TNS3: variants seen among roughly 807,000 people sequenced by gnomAD.
TNS3 encodes the protein tensin-3.
TNS3 carries 45 observed loss-of-function variants against 140.9 expected under a neutral mutation model. The observed-to-expected ratio is 0.32, with a 90% CI of 0.25 to 0.41. The LOEUF (loss-of-function observed/expected upper bound fraction) is 0.41, where lower values mean the gene tolerates loss of function less well. TNS3 is among the 10% of genes least tolerant of loss of function. The pLI, the probability that TNS3 is intolerant of heterozygous loss-of-function variation, is 1.00. For missense variants in TNS3, 1,716 were observed against 1,906.7 expected (o/e 0.90, Z 1.86); for synonymous variants, 815 against 788.4 (o/e 1.03, Z -0.56).
rs1007515217 is a variant in TNS3, at chr7:47,400,427, T to C, written c.885A>G (p.Glu295=). ...TCTCAGGCGTGGCAGAGAAGACTAA[T>C]TCAACCTTCCCATAGTCAGGAAAAC... ...DDRFPDYGKV[E]LVFSATPEKI... The change falls in exon 15 of 31, where the codon GAA becomes GAG. Residue 295 remains glutamate, a synonymous_variant. Coordinates refer to ENST00000311160, the MANE Select transcript of TNS3 (RefSeq NM_022748.12). The C allele has an allele frequency of 2.5e-6, 4 of 1,614,088 alleles. No homozygotes were observed. The African/African-American group carries it at 4.0e-5, about 16-fold the overall frequency.
At chr7:47,394,453 C>T (rs1295080674) in intron 16 of TNS3, among the ~76,000 whole-genome samples, 1 of 152,248 alleles carries the variant, frequency 6.6e-6, no homozygotes, top group Non-Finnish European at 1.5e-5. Flanking sequence ...ACTTCCCAGC[C>T]TCTCAAAGTA....
At chr7:47,511,787 G>A (rs781635679) in intron 2 of TNS3, among the ~76,000 whole-genome samples, 1 of 152,136 alleles carries the variant, frequency 6.6e-6, no homozygotes, top group Non-Finnish European at 1.5e-5. Flanking sequence ...TCTGAGCACG[G>A]AGCTGGACCC....
chr7:47,435,154 C>T (rs1795115148), intron 8 of TNS3, 128 bp downstream of exon 8: 4 of 1,266,342 alleles, frequency 3.2e-6, no homozygotes, highest in Non-Finnish European at 4.2e-6. Context: ...AACCTAAAGA[C>T]AAACCCATAA....
intron 2 of TNS3, among the ~76,000 whole-genome samples, chr7:47,512,709 G>A (rs1452335475): frequency 6.6e-6 from 1 of 152,136 alleles, no homozygotes; most frequent in East Asian, 1.9e-4. Flanking sequence ...ACAAAACTGG[G>A]AAAACTGGTT....
chr7:47,420,668 C>T (rs895233805), intron 10 of TNS3, among the ~76,000 whole-genome samples: 1 of 152,226 alleles, frequency 6.6e-6, no homozygotes, highest in Non-Finnish European at 1.5e-5. Context: ...AAACACCACA[C>T]TTGACCTTCA....
chr7:47,439,455 C>T (rs376070474), intron 6 of TNS3, 32 bp downstream of exon 6: 111 of 1,609,666 alleles, frequency 6.9e-5, no homozygotes, highest in Non-Finnish European at 9.0e-5. Flanking sequence ...GCAGAGCCTG[C>T]CCAAAGGCTC....
At chr7:47,366,684 C>T (rs561788568) in intron 17 of TNS3, among the ~76,000 whole-genome samples, 1 of 149,424 alleles carries the variant, frequency 6.7e-6, no homozygotes, top group Non-Finnish European at 1.5e-5. Flanking sequence ...GACACTGAGT[C>T]CACACCTCAG....
At chr7:47,382,315 G>A (rs537600223) in intron 16 of TNS3, among the ~76,000 whole-genome samples, 2 of 152,270 alleles carry the variant, frequency 1.3e-5, no homozygotes, top group South Asian at 4.2e-4. Flanking sequence ...TAAACGGGCT[G>A]CCATAAGCCT....
chr7:47,564,653 AAAAAAAC>A lies in TNS3; in HGVS notation c.-265+17391_-265+17397del, dbSNP rs1562859388. Among the ~76,000 whole-genome samples, 9 of 136,218 alleles carry A rather than the reference AAAAAAAC, an allele frequency of 6.6e-5. 1 individual carries two copies. Among genetic ancestry groups the A allele is most frequent in the African/African-American group, 1.1e-4 (4 of 37,132 alleles). 89.4% of individuals were successfully genotyped at this position (136,218 alleles called of 152,430 possible). On this transcript the variant is annotated intron_variant, in intron 1 of 30. Transcript: ENST00000311160. Reference sequence around the variant, plus strand: ...TCCGTCTCAAAAAAAAAAAAAACAAAAAAAAACAAAAAAAGACTGCAACCTCAAGAAC... The same window carrying A: ...TCCGTCTCAAAAAAAAAAAAAACAAAAAAAAAAGACTGCAACCTCAAGAAC...
At chr7:47,311,970 T>A (rs1163239343) in intron 20 of TNS3, among the ~76,000 whole-genome samples, 2 of 152,230 alleles carry the variant, frequency 1.3e-5, no homozygotes, top group African/African-American at 4.8e-5. Flanking sequence ...TCCGCACTAA[T>A]GTTTTCAACA....
intron 4 of TNS3, among the ~76,000 whole-genome samples, chr7:47,448,069 A>C (rs1172718147): frequency 6.6e-6 from 1 of 152,224 alleles, no homozygotes; most frequent in Non-Finnish European, 1.5e-5. Flanking sequence ...TGAAAGGGCC[A>C]CTGGAGATTC....
chr7:47,462,833 C>T (rs997435005), intron 4 of TNS3, among the ~76,000 whole-genome samples: 1 of 152,154 alleles, frequency 6.6e-6, no homozygotes, highest in Non-Finnish European at 1.5e-5. Context: ...CTCTCTTCTC[C>T]CTGCCTCTCC....
At chr7:47,437,899 G>A (rs1487904049) in intron 6 of TNS3, among the ~76,000 whole-genome samples, 5 of 151,080 alleles carry the variant, frequency 3.3e-5, no homozygotes, top group African/African-American at 9.7e-5. Context: ...GGTGGGGAAG[G>A]CTGTCCCTCC....
chr7:47,351,918 ACAGT>A (rs747695241), intron 17 of TNS3, among the ~76,000 whole-genome samples: 17 of 152,224 alleles, frequency 1.1e-4, no homozygotes, highest in East Asian at 1.9e-4. Flanking sequence ...TCACATGCAC[ACAGT>A]CAAACTCTCA....
chr7:47,541,674 C>A (rs180905779), intron 1 of TNS3, among the ~76,000 whole-genome samples: 1 of 152,172 alleles, frequency 6.6e-6, no homozygotes, highest in Non-Finnish European at 1.5e-5. Flanking sequence ...CGAGGCCGGG[C>A]GCAGTGACTC....
At chr7:47,328,419 C>T (rs1788149534) in intron 20 of TNS3, among the ~76,000 whole-genome samples, 1 of 152,180 alleles carries the variant, frequency 6.6e-6, no homozygotes, top group Non-Finnish European at 1.5e-5. Context: ...CCCAACCAGG[C>T]TTAGTTTCAG....
chr7:47,329,690 C>T (rs975354031), intron 20 of TNS3, among the ~76,000 whole-genome samples: 1 of 152,144 alleles, frequency 6.6e-6, no homozygotes, highest in Admixed American at 6.5e-5. Flanking sequence ...TCAGCGGAAG[C>T]GGATGGACTG....
In TNS3 at chr7:47,280,276, A is replaced by C. The variant is rs201951346; in HGVS notation, c.4166+10T>G. The stretch of plus-strand genomic sequence containing the variant: ...ACACTCCTTGCTCAATAAAAATGCA[A>C]ATTTCTTACTTCCTGTCTTGTGGGT... On this transcript the variant is annotated intron_variant, in intron 29 of 30. Coordinates refer to ENST00000311160, the MANE Select transcript of TNS3 (RefSeq NM_022748.12). The C allele has an allele frequency of 6.8e-6, 11 of 1,614,046 alleles. No homozygotes were observed. In the African/African-American group the frequency reaches 9.3e-5, roughly 14 times the overall value.
At chr7:47,548,201 C>T (rs956198331) in intron 1 of TNS3, among the ~76,000 whole-genome samples, 6 of 152,288 alleles carry the variant, frequency 3.9e-5, no homozygotes, top group South Asian at 4.1e-4. Flanking sequence ...CCCACCCCGT[C>T]CCTCCAGCTC....
Sources: gnomAD v4.1 joint callset for allele counts (sites outside exome capture counted in the v4.1 genomes callset) on GRCh38, gnomAD v4.1.1 for gene constraint, MANE v1.5 for transcripts, NCBI Gene and HGNC (gene_info 2026-07-23, HGNC 2026-07-21) for gene names.